The following TESPA1 variants were observed in gnomAD, a reference collection of about 807,000 sequenced individuals.
The protein encoded by TESPA1 is thymocyte expressed, positive selection associated 1.
In TESPA1, 33 loss-of-function variants were observed where a neutral mutation model predicts 57.9. The ratio of observed to expected loss-of-function variants is 0.57; its 90% CI spans 0.43 to 0.76. The LOEUF (loss-of-function observed/expected upper bound fraction) is 0.76, where lower values mean the gene tolerates loss of function less well. TESPA1 is among the 30% of genes least tolerant of loss of function. The pLI is 0.00. For missense variants in TESPA1, 618 were observed against 632.9 expected (o/e 0.98, Z 0.25); for synonymous variants, 227 against 228.9 (o/e 0.99, Z 0.07).
rs11829907 is a variant in TESPA1 at position 54,956,642 on chromosome 12, C to G, written c.*1+4526G>C. On this transcript the variant is annotated intron_variant, in intron 10 of 10. Coordinates refer to ENST00000449076, the MANE Select transcript of TESPA1 (RefSeq NM_001136030.3). The stretch of plus-strand genomic sequence containing the variant: ...GGCAAGTGAAGAAAGCTGTTGGCTG[C>G]GGGTCAAGGTCCTCTTTTAATAGAA... Among the ~76,000 whole-genome samples the G allele has an allele frequency of 7.2e-3, 1,102 of 152,260 alleles. 16 individuals are homozygous for G. The highest frequency in any genetic ancestry group is 0.026 in the African/African-American group (1,067 of 41,542).
Position 54,962,596 on chromosome 12 carries a change from T to C in TESPA1, c.1302A>G (p.Arg434=). 1 of 1,613,992 alleles carries C rather than the reference T, an allele frequency of 6.2e-7. No homozygotes were observed. Among genetic ancestry groups the C allele is most frequent in the Non-Finnish European group, 8.5e-7 (1 of 1,179,898 alleles). ...AGAGGCTCTTTCTTGCTCTGCTCTTTCTTTTCCAGAAAGTCTCATCCTTGG... is the reference window on the plus strand; with the variant it reads ...AGAGGCTCTTTCTTGCTCTGCTCTTCCTTTTCCAGAAAGTCTCATCCTTGG... ...HPAKDETFWK[R]KSRARKSLFQ... is the part of the protein sequence containing the mutation. Residue 434 remains arginine, a synonymous_variant, in exon 9 of 11, where the codon AGA becomes AGG. Transcript: ENST00000449076.
At chr12:54,964,992 A>C (rs1951333535) in intron 7 of TESPA1, among the ~76,000 whole-genome samples, 2 of 152,204 alleles carry the variant, frequency 1.3e-5, no homozygotes, top group South Asian at 4.1e-4. Context: ...TCATGTGACA[A>C]AATTTAAGTC....
In TESPA1 at chr12:54,966,053, C is replaced by A; in HGVS notation, c.446G>T (p.Ser149Ile). The change falls in exon 7 of 11, where the codon AGC becomes ATC. Residue 149 changes from serine to isoleucine, a missense_variant and splice_region_variant. Around this residue, in one of 3 missense-constraint regions of TESPA1, gnomAD observed 199 missense variants for 184.0 expected, o/e 1.08. Transcript: ENST00000449076. The stretch of plus-strand genomic sequence containing the variant: ...CACCCTGCCAAACTTCAGTACCTAC[C>A]TTGAACTAGTCTTGTTGGTCCCCCC... ...MTGGTNKTSS[S>I]ISEILDKVQE... The A allele has an allele frequency of 6.4e-7, 1 of 1,568,198 alleles. No individual in the cohort carries two copies. The highest frequency in any genetic ancestry group is 8.7e-7 in the Non-Finnish European group (1 of 1,155,426).
intron 1 of TESPA1, among the ~76,000 whole-genome samples, chr12:54,982,947 G>A (rs1952376544): frequency 1.3e-5 from 2 of 152,088 alleles, no homozygotes; most frequent in South Asian, 4.1e-4. Context: ...ATCAGGCCTG[G>A]GTGTTGTAAG....
At chr12:54,982,841 T>C (rs1425989428) in intron 1 of TESPA1, among the ~76,000 whole-genome samples, 1 of 152,022 alleles carries the variant, frequency 6.6e-6, no homozygotes, top group Non-Finnish European at 1.5e-5. Flanking sequence ...TTCCTGCTTT[T>C]CTTTTTCAAT....
intron 10 of TESPA1, among the ~76,000 whole-genome samples, chr12:54,957,016 G>T (rs1202734519): frequency 1.3e-5 from 2 of 152,144 alleles, no homozygotes; most frequent in Non-Finnish European, 2.9e-5. Context: ...CTGCATGGGG[G>T]GTTAAGGTTC....
At position 54,968,100 on chromosome 12, in the gene TESPA1, C is replaced by T. The variant is rs1309125130; in HGVS notation, c.207-208G>A. On this transcript the variant is annotated intron_variant, in intron 3 of 10. Coordinates refer to ENST00000449076, the MANE Select transcript of TESPA1 (RefSeq NM_001136030.3). ...TTGGGGAAACTGGGGCTGGAATGCA[C>T]TATATTTTAGATTGTGCTTCTGTTG... The T allele has an allele frequency of 1.0e-5, 13 of 1,276,286 alleles. 1 individual carries two copies. Among genetic ancestry groups the T allele is most frequent in the South Asian group, 6.6e-5 (5 of 75,828 alleles). The allele number at this position is 1,276,286 out of a possible 1,614,324, so 79.1% of individuals were successfully genotyped here.
intron 10 of TESPA1, 21 bp downstream of exon 10, chr12:54,961,147 G>C (rs1951048821): frequency 6.2e-7 from 1 of 1,613,362 alleles, no homozygotes; most frequent in African/African-American, 1.3e-5. Flanking sequence ...TTTGAGAACT[G>C]CCTGAGAGAG....
intron 2 of TESPA1, 45 bp from the exon 3 acceptor site, chr12:54,973,564 C>T: frequency 6.2e-7 from 1 of 1,613,670 alleles, no homozygotes; most frequent in Non-Finnish European, 8.5e-7. Context: ...TGAACGAAAT[C>T]AGACCTCCTC....
chr12:54,955,987 T>C (rs1279084748), intron 10 of TESPA1, among the ~76,000 whole-genome samples: 2 of 152,178 alleles, frequency 1.3e-5, no homozygotes, highest in Non-Finnish European at 2.9e-5. Flanking sequence ...ATCTATAAAA[T>C]GGGGAATAAT....
chr12:54,955,747 C>T (rs899968981), intron 10 of TESPA1, among the ~76,000 whole-genome samples: 1 of 152,186 alleles, frequency 6.6e-6, no homozygotes, highest in Non-Finnish European at 1.5e-5. Flanking sequence ...CTTTCTTTTA[C>T]ACCTTTGTGG....
At chr12:54,958,873 T>G (rs1950898473) in intron 10 of TESPA1, among the ~76,000 whole-genome samples, 1 of 152,214 alleles carries the variant, frequency 6.6e-6, no homozygotes, top group South Asian at 2.1e-4. Context: ...ACTCTAAGGA[T>G]TTCCATCTCT....
intron 3 of TESPA1, among the ~76,000 whole-genome samples, chr12:54,972,340 A>G (rs1021171669): frequency 2.2e-4 from 34 of 152,246 alleles, no homozygotes; most frequent in African/African-American, 8.2e-4. Context: ...GGTTATTCAG[A>G]TAATCAGACA....
At chr12:54,958,699 T>A (rs1309773359) in intron 10 of TESPA1, among the ~76,000 whole-genome samples, 2 of 152,210 alleles carry the variant, frequency 1.3e-5, no homozygotes, top group Non-Finnish European at 2.9e-5. Flanking sequence ...GATATTCTCT[T>A]ATATTTTTTT....
chr12:54,964,118 A>C (rs1415866747), intron 7 of TESPA1, among the ~76,000 whole-genome samples, 168 bp from the exon 8 acceptor site: 3 of 152,222 alleles, frequency 2.0e-5, no homozygotes, highest in African/African-American at 7.2e-5. Flanking sequence ...AACCTAAATT[A>C]TCTGTTGGAA....
At chr12:54,976,021 C>G (rs545879248) in intron 1 of TESPA1, among the ~76,000 whole-genome samples, 2 of 152,156 alleles carry the variant, frequency 1.3e-5, no homozygotes, top group Non-Finnish European at 2.9e-5. Context: ...TCTTTAACCC[C>G]GGGCACGTGG....
intron 1 of TESPA1, among the ~76,000 whole-genome samples, 198 bp downstream of exon 1, chr12:54,984,387 A>G (rs998772432): frequency 7.9e-5 from 12 of 152,192 alleles, no homozygotes; most frequent in African/African-American, 2.9e-4. Flanking sequence ...CAAACAAACG[A>G]AAGCAAAAGG....
At chr12:54,962,236 G>T (rs769253095) in intron 9 of TESPA1, among the ~76,000 whole-genome samples, 195 bp downstream of exon 9, 1 of 152,130 alleles carries the variant, frequency 6.6e-6, no homozygotes, top group African/African-American at 2.4e-5. Context: ...CTGAAAACTC[G>T]ACTGCTCTTA....
chr12:54,953,660 A>G (rs1037997440), intron 10 of TESPA1, among the ~76,000 whole-genome samples: 1 of 151,538 alleles, frequency 6.6e-6, no homozygotes, highest in Non-Finnish European at 1.5e-5. Flanking sequence ...CTGGGACTAC[A>G]GGGACCCGCC....
Sources: gnomAD v4.1 joint callset for allele counts (sites outside exome capture counted in the v4.1 genomes callset) on GRCh38, gnomAD v4.1.1 for gene constraint, gnomAD v4.1.1 regional missense constraint, MANE v1.5 for transcripts, NCBI Gene and HGNC (gene_info 2026-07-23, HGNC 2026-07-21) for gene names.